LRP1B: variants seen among roughly 807,000 people sequenced by gnomAD.
LRP1B encodes the protein low-density lipoprotein receptor-related protein 1B.
A neutral mutation model predicts 556.6 loss-of-function variants in LRP1B; 217 were observed. The observed-to-expected ratio is 0.39, with a 90% CI of 0.35 to 0.44. The LOEUF (loss-of-function observed/expected upper bound fraction) is 0.44. LRP1B is among the 20% of genes least tolerant of loss of function. The probability of loss-of-function intolerance (pLI) is 1.00; values close to 1 mark genes in which losing one functional copy is unlikely to be tolerated. For synonymous variants in LRP1B, 2,047 were observed against 1,865.8 expected, an observed-to-expected ratio of 1.10 and a Z score of -2.50; for missense variants, 5,053 against 5,620.8, an observed-to-expected ratio of 0.90 and a Z score of 3.23.
At position 140,274,486 on chromosome 2, in the gene LRP1B, C is replaced by A. The variant is rs764840081; in HGVS notation, c.13080G>T (p.Lys4360Asn). 5.0e-6 allele frequency: 8 copies of A among 1,612,768 alleles called. No homozygotes were observed. The highest frequency in any genetic ancestry group is 6.8e-6 in the Non-Finnish European group (8 of 1,179,146). Reference sequence around the variant, plus strand: ...AGTGCCCCCCATGGCACCTTACACACTTGTCAACCTCACATTTTGGTCCTT... The same window carrying A: ...AGTGCCCCCCATGGCACCTTACACAATTGTCAACCTCACATTTTGGTCCTT... ...RYEGPKCEVD[K>N]CVRCHGGHCI... is the part of the protein sequence containing the mutation. Residue 4360 changes from lysine to asparagine, a missense_variant, in exon 85 of 91, where the codon AAG (lysine) becomes AAT (asparagine). Lys to Asn is a moderately conservative substitution (Grantham distance 94). Transcript: ENST00000389484.
At chr2:140,872,050 T>TG (rs1255271522) in intron 25 of LRP1B, among the ~76,000 whole-genome samples, 111 of 53,220 alleles carry the variant, frequency 2.1e-3, no homozygotes, top group African/African-American at 4.4e-3. Flanking sequence ...AAGTCCTTCA[T>TG]GTTTTTTTTT....
intron 1 of LRP1B, among the ~76,000 whole-genome samples, chr2:141,959,914 T>A (rs1701355010): frequency 6.6e-6 from 1 of 151,928 alleles, no homozygotes; most frequent in Non-Finnish European, 1.5e-5. Context: ...AGACAGGTAG[T>A]CATCAACTAT....
Position 140,530,871 on chromosome 2 carries a change from G to A in LRP1B, c.7762+3150C>T, listed in dbSNP as rs140074053. ...GTTCTGCGCCCAAGAGTATGACTGA[G>A]ATAGTTATAACACAGAAATCAAGAG... On this transcript the variant is annotated intron_variant, in intron 47 of 90. Transcript: ENST00000389484. Among the ~76,000 whole-genome samples, 67 of 152,190 alleles carry A rather than the reference G, an allele frequency of 4.4e-4. 1 individual carries two copies. Among genetic ancestry groups the A allele is most frequent in the African/African-American group, 1.6e-3 (66 of 41,544 alleles).
chr2:140,354,725 T>C (rs1248818420), intron 75 of LRP1B, among the ~76,000 whole-genome samples: 2 of 152,006 alleles, frequency 1.3e-5, no homozygotes, highest in Non-Finnish European at 2.9e-5. Context: ...TCATGAGCTT[T>C]TGAAGGGGAT....
chr2:140,519,575 C>T (rs1690068572), intron 49 of LRP1B, among the ~76,000 whole-genome samples: 1 of 152,010 alleles, frequency 6.6e-6, no homozygotes, highest in Admixed American at 6.6e-5. Flanking sequence ...ACTAAAACAC[C>T]AAAAGCAATG....
chr2:141,467,920 C>T (rs1181028817), intron 3 of LRP1B, among the ~76,000 whole-genome samples: 2 of 151,156 alleles, frequency 1.3e-5, no homozygotes, highest in Non-Finnish European at 2.9e-5. Flanking sequence ...TACACCTTTA[C>T]ACTCTATCAC....
chr2:140,352,186 C>CT (rs1217277532), intron 76 of LRP1B, among the ~76,000 whole-genome samples: 1 of 151,808 alleles, frequency 6.6e-6, no homozygotes, highest in Non-Finnish European at 1.5e-5. Context: ...GTTTGTTTTT[C>CT]TTTTTTTGAG....
chr2:140,970,942 C>T (rs1445031237), intron 18 of LRP1B, among the ~76,000 whole-genome samples: 1 of 151,638 alleles, frequency 6.6e-6, no homozygotes, highest in African/African-American at 2.4e-5. Flanking sequence ...GGTTTTGCCT[C>T]GTTGCCCAGG....
intron 55 of LRP1B, among the ~76,000 whole-genome samples, chr2:140,500,186 T>TA (rs879577083): frequency 6.6e-6 from 1 of 151,998 alleles, no homozygotes; most frequent in African/African-American, 2.4e-5. Flanking sequence ...ATATTGGGTC[T>TA]AAAAAACTTT....
At chr2:140,931,468 C>A (rs553364987) in intron 20 of LRP1B, among the ~76,000 whole-genome samples, 2 of 151,580 alleles carry the variant, frequency 1.3e-5, no homozygotes, top group East Asian at 3.9e-4. Flanking sequence ...GACTTTAGGA[C>A]TTAATGATAA....
chr2:141,819,069 C>A (rs1696665918), intron 1 of LRP1B, among the ~76,000 whole-genome samples: 1 of 148,592 alleles, frequency 6.7e-6, no homozygotes, highest in Non-Finnish European at 1.5e-5. Flanking sequence ...TGAAACCCCA[C>A]CTCTACTAAA....
chr2:141,993,201 C>T (rs759272303), intron 1 of LRP1B, among the ~76,000 whole-genome samples: 25 of 152,006 alleles, frequency 1.6e-4, no homozygotes, highest in Non-Finnish European at 3.5e-4. Flanking sequence ...TACCCAAAGA[C>T]CAGGAATCTG....
intron 1 of LRP1B, among the ~76,000 whole-genome samples, chr2:141,922,510 G>GCTCATTGTGAGTATTTTCTGCTA: frequency 6.6e-6 from 1 of 152,256 alleles, no homozygotes; most frequent in Non-Finnish European, 1.5e-5. Flanking sequence ...ATTACATACA[G>GCTCATTGTGAGTATTTTCTGCTA]CTCATTGTGA....
At chr2:141,644,098 T>C (rs1423662160) in intron 2 of LRP1B, among the ~76,000 whole-genome samples, 2 of 151,552 alleles carry the variant, frequency 1.3e-5, no homozygotes, top group Non-Finnish European at 2.9e-5. Context: ...GCTACAACCT[T>C]GTTCTTTCAA....
chr2:140,434,790 G>A (rs1319298734), intron 66 of LRP1B, among the ~76,000 whole-genome samples: 1 of 152,096 alleles, frequency 6.6e-6, no homozygotes, highest in African/African-American at 2.4e-5. Context: ...TAATAACTAC[G>A]TGTCTTTTGT....
At chr2:141,028,189 C>G (rs778251351) in intron 11 of LRP1B, among the ~76,000 whole-genome samples, 2 of 151,540 alleles carry the variant, frequency 1.3e-5, no homozygotes. Context: ...GTAGCATTAC[C>G]TGTAAAAATT....
chr2:140,472,868 T>G (rs1687826724), intron 60 of LRP1B, among the ~76,000 whole-genome samples: 1 of 152,094 alleles, frequency 6.6e-6, no homozygotes, highest in African/African-American at 2.4e-5. Context: ...CAAATTACTT[T>G]GTCATGACTG....
At chr2:141,356,976 C>T (rs1174151207) in intron 3 of LRP1B, among the ~76,000 whole-genome samples, 2 of 152,014 alleles carry the variant, frequency 1.3e-5, no homozygotes, top group Non-Finnish European at 2.9e-5. Flanking sequence ...GATCATTTGG[C>T]CCAATCAACA....
At chr2:142,067,740 A>T (rs1240508532) in intron 1 of LRP1B, among the ~76,000 whole-genome samples, 1 of 151,552 alleles carries the variant, frequency 6.6e-6, no homozygotes. Flanking sequence ...CTCCTGTACA[A>T]TATTGGCATC....
Sources: allele counts gnomAD v4.1 joint callset (sites outside exome capture counted in the v4.1 genomes callset), GRCh38; gene constraint gnomAD v4.1.1; transcripts MANE v1.5; gene names NCBI Gene and HGNC (gene_info 2026-07-23, HGNC 2026-07-21).